PTPRN2: variants seen among roughly 807,000 people sequenced by gnomAD.
The protein encoded by PTPRN2 is receptor-type tyrosine-protein phosphatase N2.
In PTPRN2, 74 loss-of-function variants were observed where a neutral mutation model predicts 118.8. The ratio of observed to expected loss-of-function variants is 0.62; its 90% CI spans 0.52 to 0.76. The LOEUF is 0.76. Ranked by LOEUF, PTPRN2 falls within the 30% of genes least tolerant of loss-of-function variation. The pLI is 0.00. For synonymous variants in PTPRN2, 641 were observed against 608.0 expected (o/e 1.05, Z -0.80); for missense variants, 1,481 against 1,394.4 (o/e 1.06, Z -0.99).
intron 10 of PTPRN2, among the ~76,000 whole-genome samples, chr7:158,082,761 A>G (rs1457428327): frequency 1.3e-5 from 2 of 152,200 alleles, no homozygotes; most frequent in Non-Finnish European, 2.9e-5. Context: ...TCCCACTGTG[A>G]TCTTCTAGTC....
At chr7:157,672,015 TTTTGGGGAGTGAAC>T (rs1393532065) in intron 13 of PTPRN2, among the ~76,000 whole-genome samples, 9 of 151,046 alleles carry the variant, frequency 6.0e-5, no homozygotes, top group Admixed American at 5.9e-4. Context: ...GTGTGAGGGT[TTTTGGGGAGTGAAC>T]TTTGCAGAGG....
rs1563148267 is a variant in PTPRN2 at position 158,330,033 on chromosome 7, GACATCTGCAGACGTCACTC to G, written c.164-13120_164-13102del. On this transcript the variant is annotated intron_variant, in intron 2 of 22. Transcript: ENST00000389418. ...CACCCACACTCTCACCATAAGAGGT[GACATCTGCAGACGTCACTC>G]ACACCCACACTCTCACCATAAGAGC... Among the ~76,000 whole-genome samples the G allele has an allele frequency of 7.0e-4, 105 of 149,822 alleles. 4 individuals are homozygous for G. Among genetic ancestry groups the G allele is most frequent in the African/African-American group, 1.5e-3 (61 of 40,460 alleles).
chr7:157,923,097 A>C (rs963852394), intron 11 of PTPRN2, among the ~76,000 whole-genome samples: 10 of 152,246 alleles, frequency 6.6e-5, no homozygotes, highest in Non-Finnish European at 1.3e-4. Context: ...TGTGTGTGTC[A>C]ATAAAGGTCT....
At chr7:158,551,377 C>G (rs1394170203) in intron 1 of PTPRN2, among the ~76,000 whole-genome samples, 1 of 152,202 alleles carries the variant, frequency 6.6e-6, no homozygotes, top group African/African-American at 2.4e-5. Context: ...CTAACACATG[C>G]ATTTGGGGGC....
intron 2 of PTPRN2, among the ~76,000 whole-genome samples, chr7:158,482,115 C>T (rs544631189): frequency 6.6e-5 from 10 of 152,158 alleles, no homozygotes; most frequent in South Asian, 2.1e-4. Context: ...TGAGGAGTTG[C>T]TTCCTAGGGA....
intron 12 of PTPRN2, among the ~76,000 whole-genome samples, chr7:157,782,577 A>G (rs569922623): frequency 6.6e-6 from 1 of 152,334 alleles, no homozygotes; most frequent in Admixed American, 6.5e-5. Flanking sequence ...AGCAGAAATA[A>G]CCTGAGAGAG....
intron 21 of PTPRN2, among the ~76,000 whole-genome samples, chr7:157,562,959 G>A (rs1195320626): frequency 7.9e-6 from 1 of 126,542 alleles, no homozygotes; most frequent in African/African-American, 3.2e-5. Flanking sequence ...CAGCAGATCA[G>A]GACCACGTGC....
chr7:158,158,775 T>G lies in PTPRN2; in HGVS notation c.910+8156A>C, dbSNP rs1822087852. 4.2e-5 allele frequency among the ~76,000 whole-genome samples: 3 copies of G among 71,350 alleles called. 1 individual carries two copies. Among genetic ancestry groups the G allele is most frequent in the African/African-American group, 1.9e-4 (2 of 10,360 alleles). The allele number at this position is 71,350 out of a possible 152,430, so 46.8% of individuals were successfully genotyped here. A position where few individuals can be genotyped will look rare whatever the true frequency, so the allele number is the denominator to read the frequency against. On this transcript the variant is annotated intron_variant, in intron 6 of 22. Transcript: ENST00000389418. ...CGGAAGAATCAGGAGCCCGTGTGAT[T>G]GGCCGGGACTTCGCAAGTGCTTCCT...
rs578197748 is a variant in PTPRN2, at chr7:157,997,342, C to A, written c.1723+83956G>T. Among the ~76,000 whole-genome samples, 11 of 152,370 alleles carry A rather than the reference C, an allele frequency of 7.2e-5. No homozygotes were observed. The East Asian group carries it at 2.1e-3, about 29-fold the overall frequency. ...ATGGGGCAGGCCCCACAGGGCAGGA[C>A]CCCCTCCAGCAGTTCCTGCCTGTCC... On this transcript the variant is annotated intron_variant, in intron 11 of 22. Transcript: ENST00000389418.
At chr7:157,972,541 C>CTG (rs1802410581) in intron 11 of PTPRN2, among the ~76,000 whole-genome samples, 1 of 122,274 alleles carries the variant, frequency 8.2e-6, no homozygotes. Flanking sequence ...GCTTCAGAGA[C>CTG]CACGGGAACT....
chr7:158,370,843 AACTTCC>A (rs1405907595), intron 2 of PTPRN2, among the ~76,000 whole-genome samples: 1 of 152,232 alleles, frequency 6.6e-6, no homozygotes, highest in Admixed American at 6.5e-5. Context: ...AATACAAAAA[AACTTCC>A]ACTTCCAAAG....
intron 1 of PTPRN2, among the ~76,000 whole-genome samples, chr7:158,537,040 T>C (rs1825688469): frequency 6.6e-6 from 1 of 152,082 alleles, no homozygotes; most frequent in African/African-American, 2.4e-5. Flanking sequence ...AGTGCCCTTA[T>C]AGGAAGAGAC....
At position 157,729,029 on chromosome 7, in the gene PTPRN2, G is replaced by A. The variant is rs917822629; in HGVS notation, c.1789-46092C>T. Among the ~76,000 whole-genome samples the A allele has an allele frequency of 6.6e-6, 1 of 152,216 alleles. No homozygotes were observed. The highest frequency in any genetic ancestry group is 2.4e-5 in the African/African-American group (1 of 41,452). On this transcript the variant is annotated intron_variant, in intron 12 of 22. Coordinates refer to ENST00000389418, the MANE Select transcript of PTPRN2 (RefSeq NM_002847.5). This position sits in a 1 kb window ranked among gnomAD's most constrained non-coding sequence, Gnocchi z 4.3. ...TGATCCAGTCACACAGAGGTCGGTC[G>A]TTGTCTGGACACAGACAATGGGAAT... is the stretch of plus-strand genomic sequence containing the variant.
At position 157,716,574 on chromosome 7, in the gene PTPRN2, C is replaced by T. The variant is rs541096669; in HGVS notation, c.1789-33637G>A. ...TAGACTCTGCAGGAACACTGCCTGG[C>T]CACGTAGACTCTGCGGGAACACTGC... is the stretch of plus-strand genomic sequence containing the variant. On this transcript the variant is annotated intron_variant, in intron 12 of 22. Transcript: ENST00000389418. 7.8e-4 allele frequency among the ~76,000 whole-genome samples: 50 copies of T among 64,360 alleles called. 2 individuals carry two copies. The highest frequency in any genetic ancestry group is 4.7e-3 in the African/African-American group (46 of 9,782). 42.2% of individuals were successfully genotyped at this position (64,360 alleles called of 152,430 possible). A position where few individuals can be genotyped will look rare whatever the true frequency, so the allele number is the denominator to read the frequency against.
Position 157,869,110 on chromosome 7 carries a change from T to C in PTPRN2, c.1788+29563A>G, listed in dbSNP as rs973488956. The C allele has an allele frequency of 1.3e-5, 2 of 152,272 alleles. No homozygotes were observed. Among genetic ancestry groups the C allele is most frequent in the African/African-American group, 4.8e-5 (2 of 41,480 alleles). The allele number at this position is 152,272 out of a possible 1,614,324, so 9.4% of individuals were successfully genotyped here. A position where few individuals can be genotyped will look rare whatever the true frequency, so the allele number is the denominator to read the frequency against. ...GCAAGTCAAATTTCTGATGTTTCCC[T>C]GGATGACAAGATGTTTTCTTTATTA... On this transcript the variant is annotated intron_variant, in intron 12 of 22. Transcript: ENST00000389418. The surrounding 1 kb of genome is among the most constrained non-coding windows in gnomAD (Gnocchi z 4.2).
chr7:157,897,276 GAGACTCACGGCCCGGTCAC>G (rs1797183454), intron 12 of PTPRN2, among the ~76,000 whole-genome samples: 1 of 152,076 alleles, frequency 6.6e-6, no homozygotes, highest in Non-Finnish European at 1.5e-5. Context: ...CCACATGCAG[GAGACTCACGGCCCGGTCAC>G]AGCCACCCCC....
At chr7:157,842,154 G>A (rs557813302) in intron 12 of PTPRN2, among the ~76,000 whole-genome samples, 10 of 152,210 alleles carry the variant, frequency 6.6e-5, no homozygotes, top group Non-Finnish European at 1.0e-4. Context: ...CATTAGAAAC[G>A]GCATTATTTG....
chr7:157,931,477 T>C (rs1231128045), intron 11 of PTPRN2, among the ~76,000 whole-genome samples: 1 of 152,158 alleles, frequency 6.6e-6, no homozygotes, highest in Non-Finnish European at 1.5e-5. Flanking sequence ...ACACGCTGAG[T>C]AGGCACTGAA....
chr7:158,303,528 A>C (rs1263042395), intron 3 of PTPRN2, among the ~76,000 whole-genome samples: 1 of 152,260 alleles, frequency 6.6e-6, no homozygotes, highest in East Asian at 1.9e-4. Flanking sequence ...TTTACCATAC[A>C]GGATTAAAAT....
Sources: allele counts gnomAD v4.1 joint callset (sites outside exome capture counted in the v4.1 genomes callset), GRCh38; gene constraint gnomAD v4.1.1; non-coding constraint Gnocchi (gnomAD v3.1); transcripts MANE v1.5; gene names NCBI Gene and HGNC (gene_info 2026-07-23, HGNC 2026-07-21).